MESD: variants seen among roughly 807,000 people sequenced by gnomAD.
The protein encoded by MESD is LRP chaperone MESD.
A neutral mutation model predicts 12.9 loss-of-function variants in MESD; 7 were observed. That is an observed-to-expected ratio of 0.54 (90% confidence interval 0.31 to 1.02). MESD has a LOEUF of 1.02. MESD is among the 50% of genes least tolerant of loss of function. The pLI is 0.05. For missense variants in MESD, 342 were observed against 296.7 expected (o/e 1.15, Z -1.12); for synonymous variants, 126 against 115.6 (o/e 1.09, Z -0.58).
At chr15:80,955,638 T>TGTGTGTGTGTGTGTGA (rs1261492232) in intron 3 of MESD, among the ~76,000 whole-genome samples, 2 of 150,264 alleles carry the variant, frequency 1.3e-5, no homozygotes, top group African/African-American at 4.9e-5. Context: ...TGTGTGTGTG[T>TGTGTGTGTGTGTGTGA]GAGAGAGACA....
chr15:80,958,143 G>C (rs972217094), intron 3 of MESD, among the ~76,000 whole-genome samples: 17 of 152,062 alleles, frequency 1.1e-4, no homozygotes, highest in Non-Finnish European at 1.9e-4. Flanking sequence ...CATAGCAACA[G>C]CTTCAAATAG....
intron 4 of MESD, chr15:80,949,899 GC>G (rs1476880902): frequency 6.6e-6 from 1 of 152,294 alleles, no homozygotes; most frequent in Non-Finnish European, 1.5e-5. Flanking sequence ...AGCCCTCCCT[GC>G]CGCTGCCTGC....
At chr15:80,969,459 C>A (rs550624738) in intron 3 of MESD, among the ~76,000 whole-genome samples, 17 of 152,122 alleles carry the variant, frequency 1.1e-4, no homozygotes, top group Middle Eastern at 3.4e-3. Context: ...CAACACTTGG[C>A]ACATGGGTCT....
At chr15:80,946,767 A>G, downstream of MESD, 1 of 604,708 alleles carries the variant, frequency 1.7e-6, no homozygotes, top group Non-Finnish European at 3.0e-6. Flanking sequence ...TGTGGGAGGG[A>G]GCTCAGGATG....
intron 1 of MESD, among the ~76,000 whole-genome samples, chr15:80,987,156 AG>A (rs1902754144): frequency 6.6e-6 from 1 of 152,198 alleles, no homozygotes; most frequent in Non-Finnish European, 1.5e-5. Context: ...ACACAATGGA[AG>A]GAATTCTCAC....
In MESD at chr15:80,977,032, C is replaced by G. The variant is rs138468081; in HGVS notation, c.*2187G>C. The G allele has an allele frequency of 3.9e-5, 6 of 153,042 alleles. No homozygotes were observed. Among genetic ancestry groups the G allele is most frequent in the African/African-American group, 1.4e-4 (6 of 41,558 alleles). The allele number at this position is 153,042 out of a possible 1,614,324, so 9.5% of individuals were successfully genotyped here. Reference sequence around the variant, plus strand: ...CCATCACAATTAAGATCCACCAGGGCGTCCCAAACTCCTACCAAACTCCAT... The same window carrying G: ...CCATCACAATTAAGATCCACCAGGGGGTCCCAAACTCCTACCAAACTCCAT... On this transcript the variant is annotated 3_prime_UTR_variant, in exon 3 of 3. Transcript: ENST00000261758.
intron 4 of MESD, chr15:80,948,917 A>T: frequency 6.2e-7 from 1 of 1,612,132 alleles, no homozygotes; most frequent in Non-Finnish European, 8.5e-7. Context: ...AAGAAGAAGA[A>T]GTTGTGAGGA....
At chr15:80,948,277 G>C in exon 5 of MESD, 1 of 205,074 alleles carries the variant, frequency 4.9e-6, no homozygotes, top group Non-Finnish European at 1.0e-5. Context: ...TGGGTTTCAG[G>C]GGTTTAGAGT....
chr15:80,953,794 G>A (rs1338168832), intron 3 of MESD, among the ~76,000 whole-genome samples: 3 of 152,170 alleles, frequency 2.0e-5, no homozygotes, highest in African/African-American at 7.2e-5. Context: ...AGGCTGGGGT[G>A]GCCTTAGAGG....
intron 1 of MESD, 96 bp from the exon 2 acceptor site, chr15:80,982,278 T>A (rs2293056): frequency 1.1e-6 from 1 of 904,924 alleles, no homozygotes; most frequent in Admixed American, 2.3e-5. Context: ...GGTGCATGTA[T>A]ATGACTTAAA....
At chr15:80,958,776 T>C (rs887245443) in intron 3 of MESD, among the ~76,000 whole-genome samples, 2 of 152,198 alleles carry the variant, frequency 1.3e-5, no homozygotes, top group Non-Finnish European at 2.9e-5. Flanking sequence ...GTGATCAGGT[T>C]GGGAGCAGGA....
At chr15:80,972,748 C>T (rs1468265985), downstream of MESD, among the ~76,000 whole-genome samples, 12 of 152,202 alleles carry the variant, frequency 7.9e-5, no homozygotes, top group African/African-American at 2.4e-4. Context: ...ACAGGTTGGG[C>T]GCAGTGGCTC....
At chr15:80,954,386 G>GT (rs1426002761) in intron 3 of MESD, among the ~76,000 whole-genome samples, 2 of 152,228 alleles carry the variant, frequency 1.3e-5, no homozygotes, top group Non-Finnish European at 2.9e-5. Context: ...CCTGCCTCCA[G>GT]TACTGAAGCC....
intron 3 of MESD, among the ~76,000 whole-genome samples, chr15:80,962,744 A>C (rs1048226950): frequency 2.0e-4 from 30 of 152,316 alleles, no homozygotes; most frequent in African/African-American, 6.7e-4. Flanking sequence ...CTACTGGGTA[A>C]ATAATGAAAT....
intron 1 of MESD, among the ~76,000 whole-genome samples, chr15:80,983,230 G>A (rs975837171): frequency 1.3e-5 from 2 of 150,422 alleles, no homozygotes; most frequent in Admixed American, 6.6e-5. Flanking sequence ...GAGACAGAAC[G>A]AGACCCTGTC....
chr15:80,981,877 A>G, intron 2 of MESD, 73 bp downstream of exon 2: 1 of 1,067,036 alleles, frequency 9.4e-7, no homozygotes, highest in Non-Finnish European at 1.4e-6. Context: ...CATCATCATC[A>G]TAATTAATAA....
chr15:80,961,630 G>A (rs908040483), intron 3 of MESD, among the ~76,000 whole-genome samples: 2 of 152,180 alleles, frequency 1.3e-5, no homozygotes, highest in Non-Finnish European at 2.9e-5. Flanking sequence ...TAAAGAAAGA[G>A]CTACAGAAAT....
intron 3 of MESD, among the ~76,000 whole-genome samples, chr15:80,953,551 G>A (rs541192657): frequency 6.6e-6 from 1 of 152,332 alleles, no homozygotes; most frequent in African/African-American, 2.4e-5. Flanking sequence ...GAGACAGACA[G>A]GATGATCTGC....
At chr15:80,985,048 G>C (rs1902692406) in intron 1 of MESD, among the ~76,000 whole-genome samples, 1 of 152,164 alleles carries the variant, frequency 6.6e-6, no homozygotes, top group Non-Finnish European at 1.5e-5. Context: ...GCAGAACGAA[G>C]TGATCTCCAA....
Sources: allele counts gnomAD v4.1 joint callset (sites outside exome capture counted in the v4.1 genomes callset), GRCh38; gene constraint gnomAD v4.1.1; transcripts MANE v1.5; gene names NCBI Gene and HGNC (gene_info 2026-07-23, HGNC 2026-07-21).